TNKS: variants seen among roughly 807,000 people sequenced by gnomAD.
TNKS encodes the protein poly [ADP-ribose] polymerase tankyrase-1.
In TNKS, 72 loss-of-function variants were observed where a neutral mutation model predicts 135.8. The ratio of observed to expected loss-of-function variants is 0.53; its 90% confidence interval spans 0.44 to 0.64. TNKS has a LOEUF of 0.64. Among genes scored for constraint, TNKS ranks in the 30% least tolerant of loss-of-function variants. TNKS has a pLI of 0.00. For synonymous variants in TNKS, 849 were observed against 649.3 expected, an observed-to-expected ratio of 1.31 and a Z score of -4.68; for missense variants, 1,769 against 1,674.0, an observed-to-expected ratio of 1.06 and a Z score of -0.99.
At chr8:9,666,145 A>G (rs1206881262) in intron 3 of TNKS, among the ~76,000 whole-genome samples, 2 of 152,160 alleles carry the variant, frequency 1.3e-5, no homozygotes, top group Non-Finnish European at 2.9e-5. Context: ...CCAGCTCATG[A>G]TGGTTTTAGA....
chr8:9,718,373 G>C (rs1046496464), intron 11 of TNKS, among the ~76,000 whole-genome samples: 1 of 152,148 alleles, frequency 6.6e-6, no homozygotes, highest in South Asian at 2.1e-4. Context: ...GAGTGATGTA[G>C]ACAATGATAG....
rs370231803 is a variant in TNKS at position 9,708,471 on chromosome 8, G to A, written c.1557G>A (p.Pro519=). 1.0e-5 allele frequency: 16 copies of A among 1,605,020 alleles called. No individual in the cohort carries two copies. The East Asian group carries it at 1.8e-4, about 18-fold the overall frequency. Residue 519 remains proline (P), a synonymous_variant, in exon 9 of 27, where the codon CCG becomes CCA. Transcript: ENST00000310430. ...LALEIINFKQ[P]QSHETALHCA... ...TGGAAATCATTAATTTCAAACAACC[G>A]CAGTCTCATGAAACAGCACTGGTAA...
At chr8:9,598,769 A>G (rs922115425) in intron 2 of TNKS, among the ~76,000 whole-genome samples, 444 of 4,534 alleles carry the variant, frequency 0.098, no homozygotes, top group Non-Finnish European at 0.12. Flanking sequence ...GTGTGTGTAT[A>G]TATATATATA....
At chr8:9,722,334 A>G (rs1266380643) in intron 12 of TNKS, 3 of 152,178 alleles carry the variant, frequency 2.0e-5, no homozygotes, top group Admixed American at 6.5e-5. Context: ...GCTAAATAGC[A>G]TAATAAAACT....
In TNKS at chr8:9,757,362, T is replaced by C. The variant is rs563351745; in HGVS notation, c.3154-4154T>C. Among the ~76,000 whole-genome samples, 4 of 152,312 alleles carry C rather than the reference T, an allele frequency of 2.6e-5. No individual in the cohort carries two copies. The East Asian group carries it at 7.7e-4, about 29-fold the overall frequency. ...TGCCTGCTGCTCTGCTGTGCTCCTTTTAATCCTTGATACATACTCTCCTGT... is the reference window on the plus strand; with the variant it reads ...TGCCTGCTGCTCTGCTGTGCTCCTTCTAATCCTTGATACATACTCTCCTGT... On this transcript the variant is annotated intron_variant, in intron 20 of 26. Transcript: ENST00000310430.
chr8:9,699,075 G>A (rs181476100), intron 5 of TNKS, among the ~76,000 whole-genome samples: 1 of 152,204 alleles, frequency 6.6e-6, no homozygotes. Flanking sequence ...CAGAGGTGTA[G>A]AAACTGGCAG....
chr8:9,781,550 A>T lies in TNKS; in HGVS notation c.*4814A>T, dbSNP rs1055921182. ...TGTCTCCGTGACACAAAACACTGAAACTCTTCATGTGCATATAACACCTGC... is the reference window on the plus strand; with the variant it reads ...TGTCTCCGTGACACAAAACACTGAATCTCTTCATGTGCATATAACACCTGC... On this transcript the variant is annotated 3_prime_UTR_variant, in exon 27 of 27. Coordinates refer to ENST00000310430, the MANE Select transcript of TNKS (RefSeq NM_003747.3). 6.6e-6 allele frequency: 1 copy of T among 151,802 alleles called. No individual in the cohort carries two copies. Among genetic ancestry groups the T allele is most frequent in the African/African-American group, 2.4e-5 (1 of 41,250 alleles). 9.4% of individuals were successfully genotyped at this position (151,802 alleles called of 1,614,324 possible).
intron 5 of TNKS, among the ~76,000 whole-genome samples, chr8:9,699,707 C>G (rs756374972): frequency 2.0e-5 from 3 of 152,152 alleles, no homozygotes; most frequent in African/African-American, 7.2e-5. Context: ...TTGCTGACAG[C>G]GTCATCATTT....
At chr8:9,764,354 T>C (rs1000139852) in intron 22 of TNKS, among the ~76,000 whole-genome samples, 20 of 152,136 alleles carry the variant, frequency 1.3e-4, no homozygotes, top group African/African-American at 4.6e-4. Context: ...AAAAATTGTT[T>C]ATTTTTAGCA....
Position 9,594,742 on chromosome 8 carries a change from T to C in TNKS, c.898+14359T>C, listed in dbSNP as rs1798710488. 1.3e-5 allele frequency among the ~76,000 whole-genome samples: 2 copies of C among 152,196 alleles called. 1 individual carries two copies. Among genetic ancestry groups the C allele is most frequent in the Non-Finnish European group, 2.9e-5 (2 of 68,042 alleles). On this transcript the variant is annotated intron_variant, in intron 2 of 26. Coordinates refer to ENST00000310430, the MANE Select transcript of TNKS (RefSeq NM_003747.3). ...CCTGTTGTAGGCCATTTAGGCTATT[T>C]TTGTACCATTTTATAAACAGTAGTA...
In TNKS at chr8:9,781,927, T is replaced by C. The variant is rs1245573006; in HGVS notation, c.*5191T>C. ...GTCAGATCAAGTACAAGATGCCCAGTTAAGTTTGAATTTCAGAGAAACAAT... is the reference window on the plus strand; with the variant it reads ...GTCAGATCAAGTACAAGATGCCCAGCTAAGTTTGAATTTCAGAGAAACAAT... On this transcript the variant is annotated 3_prime_UTR_variant, in exon 27 of 27. Transcript: ENST00000310430. 6.6e-6 allele frequency: 1 copy of C among 152,544 alleles called. No individual in the cohort carries two copies. The highest frequency in any genetic ancestry group is 2.4e-5 in the African/African-American group (1 of 41,468). The allele number at this position is 152,544 out of a possible 1,614,324, so 9.4% of individuals were successfully genotyped here. A position where few individuals can be genotyped will look rare whatever the true frequency, so the allele number is the denominator to read the frequency against.
At chr8:9,637,116 A>C (rs1800542283) in intron 3 of TNKS, among the ~76,000 whole-genome samples, 1 of 152,224 alleles carries the variant, frequency 6.6e-6, no homozygotes, top group Non-Finnish European at 1.5e-5. Context: ...ATTATCTCAA[A>C]TGACTATGAG....
chr8:9,606,154 G>GTTTTTTT (rs71201957), intron 2 of TNKS, among the ~76,000 whole-genome samples: 1 of 110,218 alleles, frequency 9.1e-6, no homozygotes, highest in Non-Finnish European at 1.8e-5. Context: ...GTTATTTTGT[G>GTTTTTTT]TTTTTTTTTT....
intron 2 of TNKS, among the ~76,000 whole-genome samples, chr8:9,602,476 T>A (rs1799054505): frequency 6.6e-6 from 1 of 152,196 alleles, no homozygotes; most frequent in African/African-American, 2.4e-5. Context: ...CCATCCTCTC[T>A]TGTTCCCAGG....
At chr8:9,572,516 C>T (rs1797794626) in intron 1 of TNKS, among the ~76,000 whole-genome samples, 1 of 152,304 alleles carries the variant, frequency 6.6e-6, no homozygotes, top group East Asian at 1.9e-4. Context: ...TTATTCTCTT[C>T]TGTTTCATGT....
chr8:9,636,681 T>G (rs1317959697), intron 3 of TNKS, among the ~76,000 whole-genome samples: 1 of 152,178 alleles, frequency 6.6e-6, no homozygotes, highest in Admixed American at 6.5e-5. Flanking sequence ...ATGATATCTG[T>G]GTCATTTTGT....
At chr8:9,762,551 G>T (rs542751033) in intron 21 of TNKS, among the ~76,000 whole-genome samples, 1 of 152,166 alleles carries the variant, frequency 6.6e-6, no homozygotes, top group African/African-American at 2.4e-5. Flanking sequence ...TCATGATAGA[G>T]TTTAATTCAA....
chr8:9,582,011 A>C (rs1050533194), intron 2 of TNKS, among the ~76,000 whole-genome samples: 1 of 152,174 alleles, frequency 6.6e-6, no homozygotes, highest in African/African-American at 2.4e-5. Flanking sequence ...CTTGTGCCTT[A>C]TAAAAGTTGA....
At position 9,733,366 on chromosome 8, in the gene TNKS, G is replaced by A. The variant is rs1172301476; in HGVS notation, c.2235G>A (p.Val745=). The A allele has an allele frequency of 1.2e-6, 2 of 1,613,158 alleles. No individual in the cohort carries two copies. The highest frequency in any genetic ancestry group is 3.3e-5 in the Admixed American group (2 of 59,906). Residue 745 remains valine (V), a synonymous_variant, in exon 15 of 27, where the codon GTG becomes GTA. Transcript: ENST00000310430. ...LLVRHGASVN[V]ADLWKFTPLH... is the part of the protein sequence containing the mutation. ...TAAGGCATGGGGCTTCTGTCAATGT[G>A]GCGGACTTATGGAAATTTACCCCTC...
Sources: gnomAD v4.1 joint callset for allele counts (sites outside exome capture counted in the v4.1 genomes callset) on GRCh38, gnomAD v4.1.1 for gene constraint, MANE v1.5 for transcripts, NCBI Gene and HGNC (gene_info 2026-07-23, HGNC 2026-07-21) for gene names.